The following SLC25A15 variants were observed in gnomAD, a reference collection of about 807,000 sequenced individuals.
SLC25A15 encodes the protein mitochondrial ornithine transporter 1.
SLC25A15 carries 24 observed loss-of-function variants against 32.3 expected under a neutral mutation model. The observed-to-expected ratio is 0.74, with a 90% CI of 0.54 to 1.04. The LOEUF (loss-of-function observed/expected upper bound fraction) is 1.04. SLC25A15 is among the 50% of genes least tolerant of loss of function. The probability of loss-of-function intolerance (pLI) is 0.00; values close to 1 mark genes in which losing one functional copy is unlikely to be tolerated. For missense variants in SLC25A15, 317 were observed against 374.5 expected (o/e 0.85, Z 1.27); for synonymous variants, 132 against 142.1 (o/e 0.93, Z 0.51).
At chr13:40,799,440 T>C (rs1259578810) in intron 3 of SLC25A15, 125 bp downstream of exon 3, 3 of 1,254,574 alleles carry the variant, frequency 2.4e-6, no homozygotes, top group African/African-American at 3.0e-5. Flanking sequence ...GGCTTGAGGC[T>C]GAGAGTTCAA....
intron 3 of SLC25A15, among the ~76,000 whole-genome samples, chr13:40,801,242 A>G (rs1234390818): frequency 1.3e-5 from 2 of 151,018 alleles, no homozygotes; most frequent in Non-Finnish European, 3.0e-5. Flanking sequence ...AAAAAAAAAA[A>G]AAAGAAAAGA....
chr13:40,792,962 CAG>C (rs1168967991), intron 1 of SLC25A15, among the ~76,000 whole-genome samples, 194 bp from the exon 2 acceptor site: 1 of 152,208 alleles, frequency 6.6e-6, no homozygotes, highest in Non-Finnish European at 1.5e-5. Context: ...CATTGATACA[CAG>C]GGGAGGTTTT....
At chr13:40,804,247 A>G (rs1487958884) in intron 3 of SLC25A15, among the ~76,000 whole-genome samples, 1 of 151,424 alleles carries the variant, frequency 6.6e-6, no homozygotes, top group Non-Finnish European at 1.5e-5. Context: ...CAATGGCCCT[A>G]TCCTCATGAC....
intron 5 of SLC25A15, 98 bp downstream of exon 5, chr13:40,807,561 A>G: frequency 7.4e-7 from 1 of 1,352,960 alleles, no homozygotes; most frequent in African/African-American, 1.4e-5. Context: ...TCTCCTCCCC[A>G]CATTGGTGGC....
intron 2 of SLC25A15, chr13:40,798,828 G>A (rs1347611521): frequency 3.0e-6 from 3 of 985,264 alleles, no homozygotes; most frequent in African/African-American, 1.7e-5. Flanking sequence ...ACACATGTCT[G>A]TCTCTCTCCC....
At position 40,810,033 on chromosome 13, in the gene SLC25A15, C is replaced by T. The variant is rs1882380592; in HGVS notation, c.*366C>T. 1 of 287,284 alleles carries T rather than the reference C, an allele frequency of 3.5e-6. No individual in the cohort carries two copies. Among genetic ancestry groups the T allele is most frequent in the Non-Finnish European group, 6.7e-6 (1 of 148,182 alleles). The allele number at this position is 287,284 out of a possible 1,614,324, so 17.8% of individuals were successfully genotyped here. A position where few individuals can be genotyped will look rare whatever the true frequency, so the allele number is the denominator to read the frequency against. On this transcript the variant is annotated 3_prime_UTR_variant, in exon 7 of 7. Transcript: ENST00000338625. Reference sequence around the variant, plus strand: ...GTGTTGAGGGAAATACAGTTTGGTACCTTGTTTATTTCAAATATCAGAAAA... The same window carrying T: ...GTGTTGAGGGAAATACAGTTTGGTATCTTGTTTATTTCAAATATCAGAAAA...
At chr13:40,792,067 G>A (rs1249785328) in intron 1 of SLC25A15, among the ~76,000 whole-genome samples, 1 of 152,190 alleles carries the variant, frequency 6.6e-6, no homozygotes, top group Non-Finnish European at 1.5e-5. Context: ...AAACTGTACA[G>A]GATTGGTCGT....
intron 1 of SLC25A15, among the ~76,000 whole-genome samples, chr13:40,791,926 G>C (rs1881520956): frequency 6.6e-6 from 1 of 152,184 alleles, no homozygotes; most frequent in Admixed American, 6.5e-5. Flanking sequence ...TTGACGTTCA[G>C]GGTGACATTG....
intron 1 of SLC25A15, among the ~76,000 whole-genome samples, chr13:40,791,000 T>C (rs1881464626): frequency 6.6e-6 from 1 of 152,064 alleles, no homozygotes; most frequent in South Asian, 2.1e-4. Context: ...AGGAAGTGTC[T>C]GTGCCAAAAG....
chr13:40,795,231 G>C (rs770240508), intron 2 of SLC25A15, among the ~76,000 whole-genome samples: 6 of 152,220 alleles, frequency 3.9e-5, no homozygotes, highest in Non-Finnish European at 8.8e-5. Flanking sequence ...AATGCTCTTG[G>C]GCTCAGTTCT....
intron 1 of SLC25A15, among the ~76,000 whole-genome samples, chr13:40,791,285 AG>A (rs1243241518): frequency 6.7e-6 from 1 of 150,012 alleles, no homozygotes. Flanking sequence ...GGAAAGGATT[AG>A]GACCCTGATA....
Position 40,800,441 on chromosome 13 carries a change from T to C in SLC25A15, c.314+1126T>C, listed in dbSNP as rs1158801121. Among the ~76,000 whole-genome samples, 3 of 152,272 alleles carry C rather than the reference T, an allele frequency of 2.0e-5. No homozygotes were observed. In the East Asian group the frequency reaches 5.8e-4, roughly 29 times the overall value. On this transcript the variant is annotated intron_variant, in intron 3 of 6. Transcript: ENST00000338625. Reference sequence around the variant, plus strand: ...GAGTATGGCATGCCATGATGGAGACTGAACAGAAGCAAAAACTACAGGCAA... The same window carrying C: ...GAGTATGGCATGCCATGATGGAGACCGAACAGAAGCAAAAACTACAGGCAA...
At position 40,807,346 on chromosome 13, in the gene SLC25A15, TTCTACC is replaced by T; in HGVS notation, c.506_511del (p.Phe169_His171delinsTyr). 6.2e-7 allele frequency: 1 copy of T among 1,614,074 alleles called. No homozygotes were observed. Among genetic ancestry groups the T allele is most frequent in the Non-Finnish European group, 8.5e-7 (1 of 1,179,950 alleles). On this transcript the variant is annotated inframe_deletion, in exon 5 of 7. Coordinates refer to ENST00000338625, the MANE Select transcript of SLC25A15 (RefSeq NM_014252.4). ...TCTTAGGAAAGATGGCCCCTTGGGG[TTCTACC>T]ATGGACTCTCAAGCACTTTACTTCG...
At position 40,793,268 on chromosome 13, in the gene SLC25A15, A is replaced by C; in HGVS notation, c.42A>C (p.Thr14=). Residue 14 remains threonine, a synonymous_variant, in exon 2 of 7, where the codon ACA becomes ACC. Transcript: ENST00000338625. Reference sequence around the variant, plus strand: ...CTATCCAGGCTGCCATTGACCTCACAGCGGGGGCTGCAGGTACAGTCATGT... The same window carrying C: ...CTATCCAGGCTGCCATTGACCTCACCGCGGGGGCTGCAGGTACAGTCATGT... ...NPAIQAAIDL[T]AGAAGGTACV... is the part of the protein sequence containing the mutation. 1.2e-6 allele frequency: 2 copies of C among 1,613,988 alleles called. No homozygotes were observed. Among genetic ancestry groups the C allele is most frequent in the Non-Finnish European group, 1.7e-6 (2 of 1,179,962 alleles).
At chr13:40,803,797 G>T (rs186852037) in intron 3 of SLC25A15, among the ~76,000 whole-genome samples, 1 of 152,222 alleles carries the variant, frequency 6.6e-6, no homozygotes, top group African/African-American at 2.4e-5. Flanking sequence ...GTTTTTTCTG[G>T]GTTTTCATCT....
At position 40,810,714 on chromosome 13, in the gene SLC25A15, A is replaced by G; in HGVS notation, c.*1047A>G. 1 of 533,710 alleles carries G rather than the reference A, an allele frequency of 1.9e-6. No homozygotes were observed. The highest frequency in any genetic ancestry group is 1.4e-5 in the South Asian group (1 of 71,494). 33.1% of individuals were successfully genotyped at this position (533,710 alleles called of 1,614,324 possible). ...GAGGGTCAGGCCTTTGGGAAATAGC[A>G]TGGCCTTTACCAGCTTCCCTTCTCT... is the stretch of plus-strand genomic sequence containing the variant. On this transcript the variant is annotated 3_prime_UTR_variant, in exon 7 of 7. Transcript: ENST00000338625.
At chr13:40,795,279 T>C (rs909062825) in intron 2 of SLC25A15, among the ~76,000 whole-genome samples, 1 of 152,250 alleles carries the variant, frequency 6.6e-6, no homozygotes, top group Admixed American at 6.5e-5. Flanking sequence ...ACATATAGTC[T>C]CAGCTTTTGA....
At position 40,805,235 on chromosome 13, in the gene SLC25A15, G is replaced by T; in HGVS notation, c.432G>T (p.Gly144=). The change falls in exon 4 of 7, where the codon GGG becomes GGT. Residue 144 remains glycine (G), a synonymous_variant. Transcript: ENST00000338625. ...CCATGTATGAGATGGAGACATCAGG[G>T]AAGATAGCCAAGAGCCAGAAGTAAG... The part of the protein sequence containing the change: ...LQTMYEMETS[G]KIAKSQNTVW... 6.2e-7 allele frequency: 1 copy of T among 1,614,198 alleles called. No homozygotes were observed. Among genetic ancestry groups the T allele is most frequent in the South Asian group, 1.1e-5 (1 of 91,086 alleles).
At chr13:40,803,664 G>A (rs182909999) in intron 3 of SLC25A15, among the ~76,000 whole-genome samples, 6 of 152,344 alleles carry the variant, frequency 3.9e-5, no homozygotes, top group African/African-American at 1.4e-4. Context: ...CATTGAGCTT[G>A]CAGACTTGTA....
Sources: gnomAD v4.1 joint callset for allele counts (sites outside exome capture counted in the v4.1 genomes callset) on GRCh38, gnomAD v4.1.1 for gene constraint, MANE v1.5 for transcripts, NCBI Gene and HGNC (gene_info 2026-07-23, HGNC 2026-07-21) for gene names.